Variants in ADAMTSL1 observed in about 807,000 individuals in gnomAD.
ADAMTSL1 encodes the protein ADAMTS-like protein 1.
ADAMTSL1 carries 126 observed loss-of-function variants against 201.8 expected under a neutral mutation model. The observed-to-expected ratio is 0.62, with a 90% CI of 0.54 to 0.72. The LOEUF (loss-of-function observed/expected upper bound fraction) is 0.72. Among genes scored for constraint, ADAMTSL1 ranks in the 30% least tolerant of loss-of-function variants. The probability of loss-of-function intolerance (pLI) is 0.00; values close to 1 mark genes in which losing one functional copy is unlikely to be tolerated. For synonymous variants in ADAMTSL1, 1,121 were observed against 903.4 expected (o/e 1.24, Z -4.32); for missense variants, 2,679 against 2,277.8 (o/e 1.18, Z -3.59).
At chr9:18,654,931 A>G (rs1828531026) in intron 7 of ADAMTSL1, among the ~76,000 whole-genome samples, 1 of 152,240 alleles carries the variant, frequency 6.6e-6, no homozygotes, top group South Asian at 2.1e-4. Context: ...AGAGATACAC[A>G]GTAGTGGTTC....
intron 2 of ADAMTSL1, among the ~76,000 whole-genome samples, chr9:18,298,905 GA>G (rs1452815442): frequency 1.3e-5 from 2 of 151,728 alleles, no homozygotes; most frequent in African/African-American, 4.8e-5. Context: ...CAGCTACTAG[GA>G]GAGGCTGAGG....
At chr9:18,073,398 A>G (rs918500212) in intron 1 of ADAMTSL1, among the ~76,000 whole-genome samples, 1 of 152,168 alleles carries the variant, frequency 6.6e-6, no homozygotes, top group Non-Finnish European at 1.5e-5. Flanking sequence ...AAATCCATCT[A>G]GGTGATATTT....
At chr9:18,699,232 G>C (rs994244741) in intron 13 of ADAMTSL1, among the ~76,000 whole-genome samples, 3 of 152,116 alleles carry the variant, frequency 2.0e-5, no homozygotes, top group Non-Finnish European at 4.4e-5. Flanking sequence ...CAACCCAAAA[G>C]AGCGTCATTG....
intron 2 of ADAMTSL1, among the ~76,000 whole-genome samples, chr9:18,415,275 GCAGA>G (rs1188277471): frequency 2.6e-5 from 4 of 152,280 alleles, no homozygotes; most frequent in South Asian, 2.1e-4. Context: ...TGTTGAATTA[GCAGA>G]CAAAGACATT....
chr9:18,634,841 A>AC (rs2132763569), intron 5 of ADAMTSL1, among the ~76,000 whole-genome samples: 1 of 142,316 alleles, frequency 7.0e-6, no homozygotes, highest in African/African-American at 2.5e-5. Context: ...TCCTCAAAAA[A>AC]AAAAAAAGAA....
intron 1 of ADAMTSL1, among the ~76,000 whole-genome samples, chr9:18,114,106 G>A (rs968953485): frequency 1.3e-5 from 2 of 152,116 alleles, no homozygotes; most frequent in African/African-American, 2.4e-5. Flanking sequence ...GGTCAAAGAG[G>A]AGAGCACTTT....
chr9:18,562,079 T>C (rs1173289170), intron 3 of ADAMTSL1, among the ~76,000 whole-genome samples: 1 of 152,178 alleles, frequency 6.6e-6, no homozygotes, highest in Non-Finnish European at 1.5e-5. Flanking sequence ...GCCAGCTGGT[T>C]ATTTTGCCCA....
chr9:18,525,566 T>C (rs1818984932), intron 2 of ADAMTSL1, among the ~76,000 whole-genome samples: 1 of 152,240 alleles, frequency 6.6e-6, no homozygotes, highest in Non-Finnish European at 1.5e-5. Context: ...TCTTGCTTTC[T>C]CTTGTGGGCA....
chr9:18,290,367 C>T (rs1261255303), intron 2 of ADAMTSL1, among the ~76,000 whole-genome samples: 1 of 151,288 alleles, frequency 6.6e-6, no homozygotes, highest in African/African-American at 2.4e-5. Flanking sequence ...AGTGAGGAGA[C>T]GTGTATTCCC....
chr9:18,874,262 T>C (rs971397158), intron 23 of ADAMTSL1, among the ~76,000 whole-genome samples: 1 of 152,150 alleles, frequency 6.6e-6, no homozygotes. Context: ...ACTTCCTCTT[T>C]ACCGATTTGG....
At chr9:18,099,643 T>A (rs1408947049) in intron 1 of ADAMTSL1, among the ~76,000 whole-genome samples, 1 of 149,342 alleles carries the variant, frequency 6.7e-6, no homozygotes, top group African/African-American at 2.5e-5. Flanking sequence ...TCCCTTTTTT[T>A]TTTTTTTTTC....
chr9:18,805,072 A>C (rs916482701), intron 20 of ADAMTSL1, among the ~76,000 whole-genome samples: 7 of 152,174 alleles, frequency 4.6e-5, no homozygotes, highest in African/African-American at 1.7e-4. Flanking sequence ...TCTTCCATGG[A>C]TATCACAACT....
intron 1 of ADAMTSL1, among the ~76,000 whole-genome samples, chr9:18,057,567 A>G (rs986650297): frequency 6.6e-6 from 1 of 152,132 alleles, no homozygotes; most frequent in Non-Finnish European, 1.5e-5. Context: ...TCATATTGGC[A>G]AATTTAGTAC....
At chr9:18,308,133 A>G (rs974562891) in intron 2 of ADAMTSL1, among the ~76,000 whole-genome samples, 3 of 152,084 alleles carry the variant, frequency 2.0e-5, no homozygotes, top group Non-Finnish European at 4.4e-5. Flanking sequence ...TACATAAGTT[A>G]TTTGAAACTG....
chr9:18,893,786 C>T (rs1588329269), intron 26 of ADAMTSL1, among the ~76,000 whole-genome samples: 1 of 152,220 alleles, frequency 6.6e-6, no homozygotes, highest in Non-Finnish European at 1.5e-5. Flanking sequence ...ACAAAAAAAT[C>T]CTTTTGGAAT....
At chr9:18,687,905 T>C (rs766779540) in intron 13 of ADAMTSL1, among the ~76,000 whole-genome samples, 2 of 152,128 alleles carry the variant, frequency 1.3e-5, no homozygotes, top group Non-Finnish European at 2.9e-5. Flanking sequence ...AATCCAGATA[T>C]CAATTTCATA....
Position 18,646,849 on chromosome 9 carries a change from T to C in ADAMTSL1, c.834+7438T>C, listed in dbSNP as rs573759563. Among the ~76,000 whole-genome samples, 27 of 152,234 alleles carry C rather than the reference T, an allele frequency of 1.8e-4. No homozygotes were observed. In the East Asian group the frequency reaches 4.8e-3, roughly 27 times the overall value. On this transcript the variant is annotated intron_variant, in intron 7 of 28. Transcript: ENST00000380548. Reference sequence around the variant, plus strand: ...CATCAAGGATATTGGTCTAAAATTCTCTTTTTTTGTTGTGTCTCTGCCCGG... The same window carrying C: ...CATCAAGGATATTGGTCTAAAATTCCCTTTTTTTGTTGTGTCTCTGCCCGG...
At chr9:18,273,141 G>C (rs1334419107) in intron 2 of ADAMTSL1, among the ~76,000 whole-genome samples, 2 of 152,212 alleles carry the variant, frequency 1.3e-5, no homozygotes, top group Admixed American at 6.5e-5. Context: ...ATGTGGTGGT[G>C]TGATCTTGGC....
At chr9:18,147,926 T>A (rs1826721099) in intron 1 of ADAMTSL1, among the ~76,000 whole-genome samples, 1 of 152,102 alleles carries the variant, frequency 6.6e-6, no homozygotes, top group Non-Finnish European at 1.5e-5. Flanking sequence ...CTCTTTGGCA[T>A]TTTAGGAAGT....
Sources: gnomAD v4.1 joint callset for allele counts (sites outside exome capture counted in the v4.1 genomes callset) on GRCh38, gnomAD v4.1.1 for gene constraint, MANE v1.5 for transcripts, NCBI Gene and HGNC (gene_info 2026-07-23, HGNC 2026-07-21) for gene names.